Variants in ZNF484 observed in about 807,000 individuals in gnomAD.
ZNF484 encodes zinc finger protein 484, also known as KRAB box containing C2H2 type zinc finger bA526D8.4.
In ZNF484, 11 loss-of-function variants were observed where a neutral mutation model predicts 12.9. The ratio of observed to expected loss-of-function variants is 0.85; its 90% CI spans 0.54 to 1.41. The LOEUF (loss-of-function observed/expected upper bound fraction) is 1.41, where lower values mean the gene tolerates loss of function less well. Ranked by LOEUF, ZNF484 falls within the 40% of genes most tolerant of loss-of-function variation. The pLI is 0.00. For missense variants in ZNF484, 807 were observed against 1,007.7 expected, an observed-to-expected ratio of 0.80 and a Z score of 2.70; for synonymous variants, 289 against 334.1, an observed-to-expected ratio of 0.86 and a Z score of 1.47.
chr9:92,853,745 A>G (rs1035784890), intron 4 of ZNF484, among the ~76,000 whole-genome samples: 1 of 152,228 alleles, frequency 6.6e-6, no homozygotes. Flanking sequence ...CCAGTTGGGA[A>G]GAGGAGAAAG....
chr9:92,846,344 A>T lies in ZNF484; in HGVS notation c.2443T>A (p.Trp815Arg). 1 of 1,614,154 alleles carries T rather than the reference A, an allele frequency of 6.2e-7. No homozygotes were observed. The stretch of plus-strand genomic sequence containing the variant: ...TGAGGCATACTGAGTTGTGGCTTCC[A>T]GTTTAAGGCTTTCCCCAAGTCACTG... ...KCSDLGKALN[W>R]KPQLSMPQKS... Residue 815 changes from tryptophan to arginine, a missense_variant, in exon 5 of 5, where the codon TGG (tryptophan) becomes AGG (arginine). Transcript: ENST00000375495.
At position 92,860,501 on chromosome 9, in the gene ZNF484, G is replaced by A. The variant is rs562178480; in HGVS notation, c.16-4183C>T. On this transcript the variant is annotated intron_variant, in intron 2 of 4. Transcript: ENST00000375495. ...CGCCTGTAGTCCCAGCTACTTGAGA[G>A]GCTGAGGCAGGAGAATGGCGTGAAC... Among the ~76,000 whole-genome samples the A allele has an allele frequency of 5.3e-5, 8 of 151,922 alleles. No homozygotes were observed. In the South Asian group the frequency reaches 1.7e-3, roughly 32 times the overall value.
Position 92,848,531 on chromosome 9 carries a change from G to T in ZNF484, c.256C>A (p.Pro86Thr), listed in dbSNP as rs747700478. Residue 86 changes from proline to threonine, a missense_variant, in exon 5 of 5, where the codon CCT (proline) becomes ACT (threonine). Transcript: ENST00000375495. This position sits in a 1 kb window ranked among gnomAD's most constrained non-coding sequence, Gnocchi z 4.1. ...TCTTCAGACATCCTCTGTTGTAAAG[G>T]TCCAAAACCAATGTCCCCATCTAAA... is the stretch of plus-strand genomic sequence containing the variant. ...SRPDGDIGFG[P>T]LQQRMSEEVS... The T allele has an allele frequency of 1.3e-6, 2 of 1,586,682 alleles. No individual in the cohort carries two copies. Among genetic ancestry groups the T allele is most frequent in the South Asian group, 2.3e-5 (2 of 86,290 alleles).
chr9:92,865,458 G>A (rs1024339898), intron 2 of ZNF484, among the ~76,000 whole-genome samples: 9 of 152,270 alleles, frequency 5.9e-5, no homozygotes, highest in Admixed American at 2.0e-4. Context: ...TCCAAAATGA[G>A]ATACCTCTGC....
At chr9:92,856,798 C>T (rs925024963) in intron 2 of ZNF484, among the ~76,000 whole-genome samples, 7 of 152,120 alleles carry the variant, frequency 4.6e-5, no homozygotes, top group Admixed American at 1.3e-4. Context: ...CTCCACTCAC[C>T]GCAAGCTCTG....
Position 92,850,438 on chromosome 9 carries a change from T to C in ZNF484, c.236-1887A>G, listed in dbSNP as rs140912055. ...TGATCCACTGTGCCCTAAATACCAA[T>C]GTATTTATGTTTACAGTAAAATTAC... On this transcript the variant is annotated intron_variant, in intron 4 of 4. Transcript: ENST00000375495. Among the ~76,000 whole-genome samples, 18 of 152,356 alleles carry C rather than the reference T, an allele frequency of 1.2e-4. No individual in the cohort carries two copies. In the East Asian group the frequency reaches 3.5e-3, roughly 29 times the overall value.
rs368435817 is a variant in ZNF484 at position 92,855,950 on chromosome 9, T to G, written c.143-47A>C. On this transcript the variant is annotated intron_variant, in intron 3 of 4. Transcript: ENST00000375495. Reference sequence around the variant, plus strand: ...GGACTTGATTTCAGAGGCCATACAATGAAGCATTCCATTTTTTTCCCAAAA... The same window carrying G: ...GGACTTGATTTCAGAGGCCATACAAGGAAGCATTCCATTTTTTTCCCAAAA... The G allele has an allele frequency of 3.3e-5, 52 of 1,594,430 alleles. No homozygotes were observed. The African/African-American group carries it at 6.5e-4, about 20-fold the overall frequency.
chr9:92,866,224 T>C (rs1857063172), intron 2 of ZNF484, among the ~76,000 whole-genome samples: 1 of 152,196 alleles, frequency 6.6e-6, no homozygotes, highest in Non-Finnish European at 1.5e-5. Flanking sequence ...ATGCATGTAT[T>C]ACCTATTCAA....
At position 92,846,025 on chromosome 9, in the gene ZNF484, T is replaced by C; in HGVS notation, c.*203A>G. 1 of 584,548 alleles carries C rather than the reference T, an allele frequency of 1.7e-6. No individual in the cohort carries two copies. The highest frequency in any genetic ancestry group is 2.9e-6 in the Non-Finnish European group (1 of 339,336). 36.2% of individuals were successfully genotyped at this position (584,548 alleles called of 1,614,324 possible). Reference sequence around the variant, plus strand: ...ATGAAAAACTCAACAGCCATGAATTTATAAAACTGTTTGCCCAAAAAGTGA... The same window carrying C: ...ATGAAAAACTCAACAGCCATGAATTCATAAAACTGTTTGCCCAAAAAGTGA... On this transcript the variant is annotated 3_prime_UTR_variant, in exon 5 of 5. Transcript: ENST00000375495.
intron 2 of ZNF484, among the ~76,000 whole-genome samples, chr9:92,865,812 G>A (rs565875822): frequency 3.3e-5 from 5 of 152,298 alleles, no homozygotes; most frequent in African/African-American, 1.2e-4. Flanking sequence ...GGGAGGCAGG[G>A]GAAGCAGGAT....
In ZNF484 at chr9:92,846,271, C is replaced by T. The variant is rs1365289856; in HGVS notation, c.2516G>A (p.Cys839Tyr). Residue 839 changes from cysteine to tyrosine, a missense_variant, in exon 5 of 5, where the codon TGT becomes TAT. Cys to Tyr is a radical substitution (Grantham distance 194). Transcript: ENST00000375495. The part of the protein sequence containing the change: ...EVECSMPQLW[C>Y]GDSEGDQGQL... The stretch of plus-strand genomic sequence containing the variant: ...GCCTTGGTCACCTTCTGAGTCCCCA[C>T]ACCATAATTGTGGCATGGAGCACTC... 6.2e-7 allele frequency: 1 copy of T among 1,614,042 alleles called. No individual in the cohort carries two copies. Among genetic ancestry groups the T allele is most frequent in the East Asian group, 2.2e-5 (1 of 44,884 alleles).
chr9:92,856,382 A>G, intron 2 of ZNF484, 64 bp from the exon 3 acceptor site: 1 of 1,378,720 alleles, frequency 7.3e-7, no homozygotes, highest in Non-Finnish European at 9.7e-7. Context: ...ATTCAAAAAA[A>G]AAAACCTTTC....
chr9:92,873,106 A>G (rs1198510246), intron 2 of ZNF484, among the ~76,000 whole-genome samples: 1 of 152,162 alleles, frequency 6.6e-6, no homozygotes, highest in African/African-American at 2.4e-5. Context: ...TCCTAATCTG[A>G]TAAGACAGGT....
chr9:92,868,738 C>T (rs915561400), intron 2 of ZNF484, among the ~76,000 whole-genome samples: 10 of 152,046 alleles, frequency 6.6e-5, no homozygotes, highest in Non-Finnish European at 1.5e-4. Context: ...CCAACTCTCA[C>T]GGAACTCATA....
Position 92,846,468 on chromosome 9 carries a change from C to G in ZNF484, c.2319G>C (p.Glu773Asp). ...LHEHHRIHTG[E>D]KPYICAECGK... is the part of the protein sequence containing the mutation. ...CACACTCAGCACATATATATGGTTT[C>G]TCTCCTGTGTGAATTCGATGATGCT... The change falls in exon 5 of 5, where the codon GAG becomes GAC. Residue 773 changes from glutamate (E) to aspartate (D), a missense_variant. Transcript: ENST00000375495. The G allele has an allele frequency of 6.2e-7, 1 of 1,614,160 alleles. No homozygotes were observed. Among genetic ancestry groups the G allele is most frequent in the Non-Finnish European group, 8.5e-7 (1 of 1,180,006 alleles).
chr9:92,846,612 A>G lies in ZNF484; in HGVS notation c.2175T>C (p.Cys725=), dbSNP rs151016933. 6.8e-4 allele frequency: 1,102 copies of G among 1,613,874 alleles called. 1 individual carries two copies. Among genetic ancestry groups the G allele is most frequent in the Non-Finnish European group, 8.5e-4 (1,006 of 1,179,962 alleles). The part of the protein sequence containing the change: ...TGEKPYICNE[C]GKSFIQKSHL... ...GTGACTTCTGGATGAAGGATTTCCC[A>G]CATTCATTACAAATATAGGGTTTCT... Residue 725 remains cysteine, a synonymous_variant, in exon 5 of 5, where the codon TGT becomes TGC. Coordinates refer to ENST00000375495, the MANE Select transcript of ZNF484 (RefSeq NM_031486.4).
At chr9:92,877,851 T>A in intron 1 of ZNF484, 39 bp downstream of exon 1, 1 of 1,535,840 alleles carries the variant, frequency 6.5e-7, no homozygotes, top group Non-Finnish European at 8.7e-7. Flanking sequence ...CAGAGATTCT[T>A]CTTGCTCAGT....
At chr9:92,872,213 A>G (rs910751319) in intron 2 of ZNF484, among the ~76,000 whole-genome samples, 6 of 148,044 alleles carry the variant, frequency 4.1e-5, no homozygotes, top group Non-Finnish European at 7.4e-5. Context: ...CCTGGGCAAC[A>G]AGAGCAAATC....
At chr9:92,872,582 A>G (rs1403777868) in intron 2 of ZNF484, among the ~76,000 whole-genome samples, 2 of 152,114 alleles carry the variant, frequency 1.3e-5, no homozygotes, top group East Asian at 1.9e-4. Flanking sequence ...GAGAGATACA[A>G]TGTTGATGGC....
Sources: allele counts gnomAD v4.1 joint callset (sites outside exome capture counted in the v4.1 genomes callset), GRCh38; gene constraint gnomAD v4.1.1; non-coding constraint Gnocchi (gnomAD v3.1); transcripts MANE v1.5; gene names NCBI Gene and HGNC (gene_info 2026-07-23, HGNC 2026-07-21).